Variants in ZNF516 observed in about 807,000 individuals in gnomAD.
The protein encoded by ZNF516 is zinc finger protein 516.
In ZNF516, 19 loss-of-function variants were observed where a neutral mutation model predicts 79.7. The observed-to-expected ratio is 0.24, with a 90% confidence interval of 0.17 to 0.35. ZNF516 has a LOEUF of 0.35. Ranked by LOEUF, ZNF516 falls within the 10% of genes least tolerant of loss-of-function variation. The pLI, the probability that ZNF516 is intolerant of heterozygous loss-of-function variation, is 1.00. For synonymous variants in ZNF516, 877 were observed against 739.5 expected, an observed-to-expected ratio of 1.19 and a Z score of -3.02; for missense variants, 1,678 against 1,679.5, an observed-to-expected ratio of 1.00 and a Z score of 0.02.
At chr18:76,403,954 G>A (rs373588791) in intron 3 of ZNF516, among the ~76,000 whole-genome samples, 2 of 152,180 alleles carry the variant, frequency 1.3e-5, no homozygotes, top group African/African-American at 4.8e-5. Context: ...AGCATCCTGC[G>A]GACAACGAGC....
intron 3 of ZNF516, among the ~76,000 whole-genome samples, chr18:76,436,566 T>C (rs2075739310): frequency 6.6e-6 from 1 of 151,556 alleles, no homozygotes; most frequent in Admixed American, 6.6e-5. Context: ...GCATCGCGAG[T>C]GGATTCAGCT....
At chr18:76,388,694 T>A (rs1028738458) in intron 3 of ZNF516, 4 of 152,168 alleles carry the variant, frequency 2.6e-5, no homozygotes, top group African/African-American at 9.7e-5. Flanking sequence ...GGCTTGAAAC[T>A]AACAAGATGA....
chr18:76,391,012 C>A (rs1450401270), intron 3 of ZNF516, among the ~76,000 whole-genome samples: 1 of 152,116 alleles, frequency 6.6e-6, no homozygotes, highest in African/African-American at 2.4e-5. Flanking sequence ...TTGACACTGG[C>A]AGGTGTTCCC....
rs74532572 is a variant in ZNF516, at chr18:76,368,304, T to C, written c.3432+2224A>G. ...GAATGCTTATAGTTCCAAAGTACGT[T>C]AAGGAAAATGGAATTTCCTTAGAGA... is the stretch of plus-strand genomic sequence containing the variant. On this transcript the variant is annotated intron_variant, in intron 6 of 6. Transcript: ENST00000443185. Among the ~76,000 whole-genome samples the C allele has an allele frequency of 8.9e-3, 1,351 of 152,198 alleles. 16 individuals are homozygous for C. Among genetic ancestry groups the C allele is most frequent in the Middle Eastern group, 0.054 (16 of 294 alleles).
chr18:76,380,194 G>A lies in ZNF516; in HGVS notation c.1920C>T (p.Gly640=). 1 of 1,613,918 alleles carries A rather than the reference G, an allele frequency of 6.2e-7. No homozygotes were observed. The highest frequency in any genetic ancestry group is 8.5e-7 in the Non-Finnish European group (1 of 1,179,876). ...AAGCTGCGATCCCTGCCTTGGACTC[G>A]CCGGTGTCTCTTTCCGAGGCGTTAT... The part of the protein sequence containing the change: ...MGDNASERDT[G]ESKAGIAASV... Residue 640 remains glycine (G), a synonymous_variant, in exon 4 of 7, where the codon GGC becomes GGT. Coordinates refer to ENST00000443185, the MANE Select transcript of ZNF516 (RefSeq NM_014643.4).
chr18:76,470,219 T>C (rs1245692380), intron 1 of ZNF516, among the ~76,000 whole-genome samples: 1 of 152,208 alleles, frequency 6.6e-6, no homozygotes, highest in Non-Finnish European at 1.5e-5. Context: ...TGCTGAGTTA[T>C]CTGAGCCAAC....
intron 1 of ZNF516, among the ~76,000 whole-genome samples, chr18:76,487,626 A>T (rs1394745253): frequency 6.6e-6 from 1 of 152,188 alleles, no homozygotes; most frequent in Non-Finnish European, 1.5e-5. Flanking sequence ...CTTTTCTTAC[A>T]ATAGGTTTGT....
rs375525200 is a variant in ZNF516 at position 76,371,453 on chromosome 18, C to T, written c.3364+14G>A. On this transcript the variant is annotated intron_variant, in intron 5 of 6. Transcript: ENST00000443185. Reference sequence around the variant, plus strand: ...TCTGCTCCCCTTGGGGATAGCTGGGCGGGAGGGCGATACCTGAGTGTGCCC... The same window carrying T: ...TCTGCTCCCCTTGGGGATAGCTGGGTGGGAGGGCGATACCTGAGTGTGCCC... 15 of 1,598,776 alleles carry T rather than the reference C, an allele frequency of 9.4e-6. No individual in the cohort carries two copies. The highest frequency in any genetic ancestry group is 5.6e-5 in the South Asian group (5 of 90,000).
rs1179646745 is a variant in ZNF516, at chr18:76,358,536, A to T, written c.*3962T>A. 1 of 152,220 alleles carries T rather than the reference A, an allele frequency of 6.6e-6. No homozygotes were observed. The highest frequency in any genetic ancestry group is 1.5e-5 in the Non-Finnish European group (1 of 68,048). 9.4% of individuals were successfully genotyped at this position (152,220 alleles called of 1,614,324 possible). The stretch of plus-strand genomic sequence containing the variant: ...GTGCTCCCACCAACCACGGCAAACA[A>T]AGGCGTCCTCCTCACTTGAAGTCCT... On this transcript the variant is annotated 3_prime_UTR_variant, in exon 7 of 7. Transcript: ENST00000443185.
chr18:76,395,379 A>T (rs2075131025), intron 3 of ZNF516, among the ~76,000 whole-genome samples: 1 of 152,218 alleles, frequency 6.6e-6, no homozygotes, highest in South Asian at 2.1e-4. Flanking sequence ...ACCATCAACA[A>T]ATATGCATTT....
intron 3 of ZNF516, among the ~76,000 whole-genome samples, chr18:76,395,315 C>A (rs1031466391): frequency 5.3e-5 from 8 of 152,210 alleles, no homozygotes; most frequent in African/African-American, 1.9e-4. Context: ...GAAAGCAAAC[C>A]TTGTTTCACA....
chr18:76,400,710 T>C (rs1262322745), intron 3 of ZNF516, among the ~76,000 whole-genome samples: 3 of 152,214 alleles, frequency 2.0e-5, no homozygotes, highest in African/African-American at 7.2e-5. Context: ...TATAAACAAA[T>C]GTGAAACATG....
chr18:76,464,323 GATC>G, intron 1 of ZNF516, among the ~76,000 whole-genome samples: 1 of 152,170 alleles, frequency 6.6e-6, no homozygotes, highest in East Asian at 1.9e-4. Context: ...AGTGAGTCGA[GATC>G]ATACCACTGC....
intron 3 of ZNF516, among the ~76,000 whole-genome samples, chr18:76,399,013 C>CT (rs1397598082): frequency 3.3e-5 from 5 of 152,206 alleles, no homozygotes; most frequent in African/African-American, 1.2e-4. Context: ...CACAAGCGGT[C>CT]TCTGTCCTCC....
Position 76,441,440 on chromosome 18 carries a change from G to A in ZNF516, c.1615C>T (p.Arg539Cys). The change falls in exon 3 of 7, where the codon CGC becomes TGC. Residue 539 changes from arginine to cysteine, a missense_variant. Physicochemically the swap from Arg to Cys is radical, Grantham distance 180 (BLOSUM62 -3). Around this residue, in one of 5 missense-constraint regions of ZNF516, gnomAD observed 1,294 missense variants for 1,248.3 expected, o/e 1.04. Coordinates refer to ENST00000443185, the MANE Select transcript of ZNF516 (RefSeq NM_014643.4). ...QMVLHSRVHR[R>C]ARRERDSDGD... ...TCACTGTCCCTCTCGCGGCGCGCGC[G>A]GCGATGCACGCGTGAGTGCAGCACC... is the stretch of plus-strand genomic sequence containing the variant. The A allele has an allele frequency of 1.2e-6, 2 of 1,606,622 alleles. No individual in the cohort carries two copies. The highest frequency in any genetic ancestry group is 2.2e-5 in the South Asian group (2 of 90,576).
intron 3 of ZNF516, among the ~76,000 whole-genome samples, chr18:76,400,495 C>CA (rs1276204401): frequency 6.6e-6 from 1 of 152,156 alleles, no homozygotes; most frequent in Non-Finnish European, 1.5e-5. Context: ...CAGCTTTCCC[C>CA]ATTAGACATT....
At chr18:76,465,636 G>A (rs891758475) in intron 1 of ZNF516, among the ~76,000 whole-genome samples, 3 of 152,334 alleles carry the variant, frequency 2.0e-5, no homozygotes, top group South Asian at 2.1e-4. Flanking sequence ...GATGTGCTGC[G>A]ATGAGAAGGG....
intron 3 of ZNF516, among the ~76,000 whole-genome samples, chr18:76,395,094 A>T (rs915839941): frequency 3.9e-5 from 6 of 152,134 alleles, no homozygotes; most frequent in Admixed American, 1.3e-4. Flanking sequence ...GATGGAGCAA[A>T]GTCACAGACA....
At chr18:76,437,531 T>C (rs1175145457) in intron 3 of ZNF516, among the ~76,000 whole-genome samples, 1 of 150,768 alleles carries the variant, frequency 6.6e-6, no homozygotes, top group Non-Finnish European at 1.5e-5. Flanking sequence ...TTTTATTCTA[T>C]TGAGTCATAC....
Sources: allele counts gnomAD v4.1 joint callset (sites outside exome capture counted in the v4.1 genomes callset), GRCh38; gene constraint gnomAD v4.1.1; regional missense constraint gnomAD v4.1.1; transcripts MANE v1.5; gene names NCBI Gene and HGNC (gene_info 2026-07-23, HGNC 2026-07-21).